VPS13B: variants seen among roughly 807,000 people sequenced by gnomAD.
VPS13B encodes vacuolar protein sorting 13 homolog B.
A neutral mutation model predicts 426.4 loss-of-function variants in VPS13B; 285 were observed. The ratio of observed to expected loss-of-function variants is 0.67; its 90% CI spans 0.61 to 0.74. The LOEUF is 0.74. VPS13B is among the 30% of genes least tolerant of loss of function. The pLI is 0.00. For synonymous variants in VPS13B, 1,676 were observed against 1,676.4 expected (o/e 1.00, Z 0.01); for missense variants, 4,537 against 4,782.6 (o/e 0.95, Z 1.51).
chr8:99,555,720 G>A lies in VPS13B; in HGVS notation c.4746-730G>A, dbSNP rs565516852. Among the ~76,000 whole-genome samples, 26 of 152,116 alleles carry A rather than the reference G, an allele frequency of 1.7e-4. 1 individual carries two copies. In the South Asian group the frequency reaches 3.3e-3, roughly 19 times the overall value. On this transcript the variant is annotated intron_variant, in intron 30 of 61. Transcript: ENST00000357162. The stretch of plus-strand genomic sequence containing the variant: ...CTAAAACCTTCATGAAAATTTTTAT[G>A]TATTTACTTCCTTTAATTTAACTTT...
At chr8:99,452,271 T>C (rs542822357) in intron 23 of VPS13B, among the ~76,000 whole-genome samples, 1 of 152,312 alleles carries the variant, frequency 6.6e-6, no homozygotes, top group Non-Finnish European at 1.5e-5. Flanking sequence ...GGCATCTTTC[T>C]CCTTCTCCTC....
chr8:99,344,425 G>A (rs745492944), intron 19 of VPS13B, among the ~76,000 whole-genome samples: 3 of 152,156 alleles, frequency 2.0e-5, no homozygotes, highest in African/African-American at 4.8e-5. Context: ...ATGTGTTTTC[G>A]AATTTCTCTT....
chr8:99,589,135 C>T lies in VPS13B; in HGVS notation c.5220+11502C>T, dbSNP rs576770601. 9.2e-5 allele frequency among the ~76,000 whole-genome samples: 14 copies of T among 151,682 alleles called. 1 individual carries two copies. In the South Asian group the frequency reaches 2.9e-3, roughly 31 times the overall value. On this transcript the variant is annotated intron_variant, in intron 33 of 61. Transcript: ENST00000357162. ...GCATATGTTGAACCAGCCTTGCATC[C>T]CAGGGATGAAGCAGACTTGATCATG...
chr8:99,747,214 A>G (rs1347495005), intron 39 of VPS13B, among the ~76,000 whole-genome samples: 1 of 151,956 alleles, frequency 6.6e-6, no homozygotes, highest in African/African-American at 2.4e-5. Context: ...GTTACAAAAT[A>G]CAGATGTCTG....
At chr8:99,819,723 G>T (rs1814257895) in intron 48 of VPS13B, 141 bp downstream of exon 48, 3 of 1,235,546 alleles carry the variant, frequency 2.4e-6, no homozygotes, top group South Asian at 2.8e-5. Context: ...GGTGTATTTT[G>T]TAGATTTCTT....
chr8:99,134,067 G>A (rs1379186678), intron 8 of VPS13B, among the ~76,000 whole-genome samples: 1 of 152,162 alleles, frequency 6.6e-6, no homozygotes, highest in Non-Finnish European at 1.5e-5. Context: ...TTCTTATCTA[G>A]CTGGCTTTCA....
chr8:99,738,463 A>AT (rs1312043182), intron 39 of VPS13B, among the ~76,000 whole-genome samples: 1 of 152,142 alleles, frequency 6.6e-6, no homozygotes, highest in Non-Finnish European at 1.5e-5. Context: ...AAATTACTGA[A>AT]TTTTTTCTCT....
intron 6 of VPS13B, among the ~76,000 whole-genome samples, chr8:99,112,876 A>C (rs1588050556): frequency 6.6e-6 from 1 of 152,226 alleles, no homozygotes; most frequent in Non-Finnish European, 1.5e-5. Context: ...AAAACTGATT[A>C]GTCATTACAT....
At chr8:99,209,554 A>G (rs1191159705) in intron 17 of VPS13B, 2 of 246,536 alleles carry the variant, frequency 8.1e-6, no homozygotes, top group South Asian at 5.2e-5. Flanking sequence ...ATTATGAATT[A>G]TTTTAATAAC....
At chr8:99,859,170 C>A in intron 56 of VPS13B, 134 bp from the exon 57 acceptor site, 1 of 1,100,172 alleles carries the variant, frequency 9.1e-7, no homozygotes, top group Non-Finnish European at 1.3e-6. Context: ...CCCTTATTTT[C>A]TTCCAAAGAA....
chr8:99,208,874 T>C (rs2132786894), intron 17 of VPS13B, among the ~76,000 whole-genome samples: 1 of 152,304 alleles, frequency 6.6e-6, no homozygotes, highest in South Asian at 2.1e-4. Flanking sequence ...TGAACAATAT[T>C]TTACAGGTTT....
chr8:99,560,414 C>T (rs537853016), intron 31 of VPS13B, among the ~76,000 whole-genome samples: 1 of 152,208 alleles, frequency 6.6e-6, no homozygotes, highest in South Asian at 2.1e-4. Flanking sequence ...TGTGTGTGCT[C>T]CTATCACATC....
At chr8:99,190,109 G>A (rs995851887) in intron 16 of VPS13B, among the ~76,000 whole-genome samples, 3 of 152,026 alleles carry the variant, frequency 2.0e-5, no homozygotes, top group Non-Finnish European at 4.4e-5. Context: ...GTATTTCGGA[G>A]ATGTGTAGTG....
intron 39 of VPS13B, among the ~76,000 whole-genome samples, chr8:99,745,276 C>T (rs1283284606): frequency 6.6e-6 from 1 of 151,950 alleles, no homozygotes; most frequent in Non-Finnish European, 1.5e-5. Context: ...TTTTATTCTT[C>T]AAACTGAGAC....
At chr8:99,300,629 A>C (rs1269362754) in intron 19 of VPS13B, among the ~76,000 whole-genome samples, 1 of 151,994 alleles carries the variant, frequency 6.6e-6, no homozygotes, top group Middle Eastern at 3.2e-3. Context: ...TTTTTGAAGG[A>C]GGTTTTCTGG....
Position 99,143,063 on chromosome 8 carries a change from C to T in VPS13B, c.1741C>T (p.Pro581Ser). The T allele has an allele frequency of 6.2e-7, 1 of 1,613,964 alleles. No homozygotes were observed. Among genetic ancestry groups the T allele is most frequent in the Non-Finnish European group, 8.5e-7 (1 of 1,179,934 alleles). The change falls in exon 13 of 62, where the codon CCT becomes TCT. Residue 581 changes from proline (P) to serine (S), a missense_variant. Physicochemically the swap from Pro to Ser is moderately conservative, Grantham distance 74. Transcript: ENST00000357162. The stretch of plus-strand genomic sequence containing the variant: ...GTCCACCAAAAGCCTTGTTATAGGT[C>T]CTCTTGATTTTCGTTTGGATAGCAG... Reference protein sequence around the residue: ...EKSTKSLVIGPLDFRLDSSAV... With the variant: ...EKSTKSLVIGSLDFRLDSSAV...
At chr8:99,252,276 T>G (rs1468652180) in intron 17 of VPS13B, among the ~76,000 whole-genome samples, 2 of 152,150 alleles carry the variant, frequency 1.3e-5, no homozygotes, top group African/African-American at 2.4e-5. Flanking sequence ...TCATTCAATT[T>G]TTTTCTTCTG....
intron 39 of VPS13B, among the ~76,000 whole-genome samples, chr8:99,744,475 T>C (rs1433982402): frequency 6.6e-6 from 1 of 152,188 alleles, no homozygotes; most frequent in Non-Finnish European, 1.5e-5. Context: ...ACTGGGTATA[T>C]ACCCAAAGGA....
chr8:99,057,793 G>A (rs1843961547), intron 3 of VPS13B, among the ~76,000 whole-genome samples: 1 of 152,060 alleles, frequency 6.6e-6, no homozygotes, highest in South Asian at 2.1e-4. Context: ...GAACCCTGAG[G>A]TCGTCCTTAA....
Sources: allele counts gnomAD v4.1 joint callset (sites outside exome capture counted in the v4.1 genomes callset), GRCh38; gene constraint gnomAD v4.1.1; transcripts MANE v1.5; gene names NCBI Gene and HGNC (gene_info 2026-07-23, HGNC 2026-07-21).